KCNQ2: variants seen among roughly 807,000 people sequenced by gnomAD.
KCNQ2 encodes potassium voltage-gated channel subfamily KQT member 2.
KCNQ2 carries 14 observed loss-of-function variants against 84.8 expected under a neutral mutation model. The observed-to-expected ratio is 0.17, with a 90% CI of 0.11 to 0.26. KCNQ2 has a LOEUF of 0.26. Ranked by LOEUF, KCNQ2 falls within the 10% of genes least tolerant of loss-of-function variation. KCNQ2 has a pLI of 1.00. For synonymous variants in KCNQ2, 599 were observed against 554.1 expected (o/e 1.08, Z -1.14); for missense variants, 788 against 1,254.0 (o/e 0.63, Z 5.61).
chr20:63,470,691 T>C (rs949849909), intron 1 of KCNQ2, among the ~76,000 whole-genome samples: 2 of 152,110 alleles, frequency 1.3e-5, no homozygotes, highest in African/African-American at 4.8e-5. Flanking sequence ...GGTTCTATCC[T>C]ACCCTCCTCC....
rs1165297854 is a variant in KCNQ2 at position 63,408,615 on chromosome 20, A to G, written c.1764-79T>C. On this transcript the variant is annotated intron_variant, in intron 15 of 16. Transcript: ENST00000359125. This position sits in a 1 kb window ranked among gnomAD's most constrained non-coding sequence, Gnocchi z 5.0. ...CTGCCCTCTCCTCCTGGACCAGGCC[A>G]CAGTGCCCCTGGGTCTAGGCTGCAG... 3 of 1,569,688 alleles carry G rather than the reference A, an allele frequency of 1.9e-6. No homozygotes were observed. Among genetic ancestry groups the G allele is most frequent in the Non-Finnish European group, 2.6e-6 (3 of 1,161,470 alleles).
intron 4 of KCNQ2, 105 bp from the exon 5 acceptor site, chr20:63,442,636 C>T (rs1427504548): frequency 8.8e-6 from 11 of 1,255,864 alleles, no homozygotes; most frequent in Admixed American, 3.5e-5. Flanking sequence ...CCACCATCAC[C>T]ACCACCAAAA....
chr20:63,424,974 G>C (rs3787119), intron 10 of KCNQ2, among the ~76,000 whole-genome samples: 16,300 of 152,188 alleles, frequency 0.11, 1,109 homozygotes, highest in Non-Finnish European at 0.15. Flanking sequence ...CCGTGTTGCC[G>C]TGGAACATGG....
Position 63,414,234 on chromosome 20 carries a change from G to C in KCNQ2, c.1526-41C>G, listed in dbSNP as rs372098689. The C allele has an allele frequency of 6.9e-7, 1 of 1,448,660 alleles. No homozygotes were observed. The highest frequency in any genetic ancestry group is 9.7e-7 in the Non-Finnish European group (1 of 1,031,430). 89.7% of individuals were successfully genotyped at this position (1,448,660 alleles called of 1,614,324 possible). A position where few individuals can be genotyped will look rare whatever the true frequency, so the allele number is the denominator to read the frequency against. On this transcript the variant is annotated intron_variant, in intron 13 of 16. Coordinates refer to ENST00000359125, the MANE Select transcript of KCNQ2 (RefSeq NM_172107.4). This position sits in a 1 kb window ranked among gnomAD's most constrained non-coding sequence, Gnocchi z 6.6. ...CAGGCCGTGAGGGGCCGAGGGGGCCGGGAGACCTATTCCCGGGGTCCTGCA... is the reference window on the plus strand; with the variant it reads ...CAGGCCGTGAGGGGCCGAGGGGGCCCGGAGACCTATTCCCGGGGTCCTGCA...
At chr20:63,410,065 C>T (rs2080074967) in intron 15 of KCNQ2, 4 of 251,896 alleles carry the variant, frequency 1.6e-5, no homozygotes, top group Non-Finnish European at 2.4e-5. Context: ...TGCAGCTCCT[C>T]ATGCTCCGCG....
intron 4 of KCNQ2, among the ~76,000 whole-genome samples, chr20:63,442,884 CCACCATCACCACCATCACCACCACCAT>C (rs2081244066): frequency 3.3e-4 from 2 of 6,036 alleles, no homozygotes; most frequent in South Asian, 5.4e-3. Context: ...ATTATCACCA[CCACCATCACCACCATCACCACCACCAT>C]CACCATCACC....
chr20:63,451,036 G>C (rs1318476853), intron 1 of KCNQ2, among the ~76,000 whole-genome samples: 1 of 151,740 alleles, frequency 6.6e-6, no homozygotes, highest in Non-Finnish European at 1.5e-5. Flanking sequence ...TACTTGGAAG[G>C]CTGAGGCAGA....
At chr20:63,462,407 A>AC (rs1335213309) in intron 1 of KCNQ2, among the ~76,000 whole-genome samples, 2 of 151,584 alleles carry the variant, frequency 1.3e-5, no homozygotes, top group Non-Finnish European at 2.9e-5. Context: ...AAATGCACCT[A>AC]CCCCAGGGAG....
At chr20:63,464,658 A>G (rs2082038268) in intron 1 of KCNQ2, among the ~76,000 whole-genome samples, 2 of 152,174 alleles carry the variant, frequency 1.3e-5, no homozygotes, top group Admixed American at 6.5e-5. Context: ...GAACAGGGCC[A>G]TGGCCCTGCG....
At chr20:63,417,813 A>G (rs1013266716) in intron 12 of KCNQ2, among the ~76,000 whole-genome samples, 2 of 152,198 alleles carry the variant, frequency 1.3e-5, no homozygotes, top group Non-Finnish European at 2.9e-5. Flanking sequence ...AAGGAGCCAC[A>G]GCCCCGCCAG....
At chr20:63,469,955 C>A (rs1485098232) in intron 1 of KCNQ2, among the ~76,000 whole-genome samples, 1 of 152,238 alleles carries the variant, frequency 6.6e-6, no homozygotes, top group Non-Finnish European at 1.5e-5. Context: ...TGAGCCACAT[C>A]CCCTTTCACA....
chr20:63,457,919 G>A (rs144990458), intron 1 of KCNQ2, among the ~76,000 whole-genome samples: 1,824 of 152,270 alleles, frequency 0.012, 21 homozygotes, highest in South Asian at 0.023. Flanking sequence ...TCGTGACTTC[G>A]CAGCGCCTGC....
chr20:63,424,277 G>T, intron 10 of KCNQ2, 71 bp from the exon 11 acceptor site: 1 of 1,510,328 alleles, frequency 6.6e-7, no homozygotes, highest in Non-Finnish European at 9.0e-7. Context: ...AACCAGTCCA[G>T]CCCCCCACAG....
chr20:63,435,250 T>C (rs924809669), intron 7 of KCNQ2, among the ~76,000 whole-genome samples: 9 of 152,040 alleles, frequency 5.9e-5, no homozygotes, highest in African/African-American at 1.9e-4. Flanking sequence ...TAGCCAGATA[T>C]GGTGGTGCAC....
chr20:63,431,112 G>A (rs1359752345), intron 9 of KCNQ2, among the ~76,000 whole-genome samples: 2 of 152,204 alleles, frequency 1.3e-5, no homozygotes, highest in African/African-American at 4.8e-5. Flanking sequence ...GGCCCTGGGA[G>A]GGCAGGGTTG....
At chr20:63,424,269 C>G in intron 10 of KCNQ2, 63 bp from the exon 11 acceptor site, 1 of 1,531,170 alleles carries the variant, frequency 6.5e-7, no homozygotes, top group South Asian at 1.2e-5. Context: ...GGTCCCCCAA[C>G]CAGTCCAGCC....
chr20:63,447,224 C>T (rs565294811), intron 1 of KCNQ2, among the ~76,000 whole-genome samples: 112 of 152,274 alleles, frequency 7.4e-4, no homozygotes, highest in African/African-American at 2.6e-3. Context: ...TCAACTGCTA[C>T]AAACACAGGA....
intron 4 of KCNQ2, chr20:63,443,553 T>TC (rs1568938455): frequency 2.4e-4 from 8 of 33,538 alleles, no homozygotes. Flanking sequence ...ATGACCATCA[T>TC]GACCATCACC....
intron 1 of KCNQ2, among the ~76,000 whole-genome samples, chr20:63,467,140 AC>A (rs2082102666): frequency 1.3e-5 from 2 of 151,748 alleles, no homozygotes; most frequent in South Asian, 4.1e-4. Context: ...CTCCCGTCAA[AC>A]CTCAAGTGGA....
Sources: gnomAD v4.1 joint callset for allele counts (sites outside exome capture counted in the v4.1 genomes callset) on GRCh38, gnomAD v4.1.1 for gene constraint, Gnocchi (gnomAD v3.1) non-coding constraint, MANE v1.5 for transcripts, NCBI Gene and HGNC (gene_info 2026-07-23, HGNC 2026-07-21) for gene names.